PMS1: variants seen among roughly 807,000 people sequenced by gnomAD.
PMS1 encodes PMS1 homolog 1, mismatch repair system component, also known as PMS1 protein homolog 1.
PMS1 carries 79 observed loss-of-function variants against 93.1 expected under a neutral mutation model. The ratio of observed to expected loss-of-function variants is 0.85; its 90% CI spans 0.71 to 1.02. PMS1 has a LOEUF of 1.02. Among genes scored for constraint, PMS1 ranks in the 50% least tolerant of loss-of-function variants. PMS1 has a pLI of 0.00. For missense variants in PMS1, 1,064 were observed against 1,085.3 expected (o/e 0.98, Z 0.28); for synonymous variants, 335 against 363.4 (o/e 0.92, Z 0.89).
chr2:189,860,800 ATTTTTTTTTTTTTTTTTTTTTT>A (rs1158514130), intron 9 of PMS1, among the ~76,000 whole-genome samples: 17 of 41,028 alleles, frequency 4.1e-4, no homozygotes, highest in East Asian at 7.9e-4. Context: ...TCTTTGAGGA[ATTTTTTTTTTTTTTTTTTTTTT>A]TTTTTTTTTT....
At chr2:189,864,312 G>T in intron 10 of PMS1, 84 bp downstream of exon 10, 1 of 969,838 alleles carries the variant, frequency 1.0e-6, no homozygotes, top group Non-Finnish European at 1.6e-6. Flanking sequence ...AGAAGGTTGG[G>T]AATGTTTCCT....
chr2:189,853,756 A>T (rs1456543696), intron 7 of PMS1, among the ~76,000 whole-genome samples, 183 bp from the exon 8 acceptor site: 1 of 151,968 alleles, frequency 6.6e-6, no homozygotes, highest in Non-Finnish European at 1.5e-5. Flanking sequence ...ACCTCAAGTG[A>T]TCCCCCCACC....
intron 2 of PMS1, among the ~76,000 whole-genome samples, chr2:189,793,943 G>A (rs982217986): frequency 6.6e-6 from 1 of 152,010 alleles, no homozygotes; most frequent in African/African-American, 2.4e-5. Context: ...TCTTATTACG[G>A]GATTTCGAGA....
At position 189,807,054 on chromosome 2, in the gene PMS1, A is replaced by G. The variant is rs5743020; in HGVS notation, c.418+1300A>G. ...TAAATTATTGGATTCTTTTTTTCAA[A>G]TGACTTCTGTCTTCATTTCATGTAT... On this transcript the variant is annotated intron_variant, in intron 4 of 12. Coordinates refer to ENST00000441310, the MANE Select transcript of PMS1 (RefSeq NM_000534.5). The G allele has an allele frequency of 4.2e-3, 772 of 182,098 alleles. 8 individuals are homozygous for G. The highest frequency in any genetic ancestry group is 0.017 in the African/African-American group (720 of 42,546). The allele number at this position is 182,098 out of a possible 1,614,324, so 11.3% of individuals were successfully genotyped here.
chr2:189,830,878 A>G, intron 5 of PMS1, among the ~76,000 whole-genome samples: 1 of 152,246 alleles, frequency 6.6e-6, no homozygotes. Flanking sequence ...ATTAGCTCTC[A>G]TACTCTAGAC....
intron 4 of PMS1, among the ~76,000 whole-genome samples, chr2:189,807,460 A>G (rs570405385): frequency 2.8e-4 from 43 of 152,356 alleles, no homozygotes; most frequent in African/African-American, 9.6e-4. Flanking sequence ...AGTTCAAATT[A>G]GGACACCATT....
At chr2:189,835,032 A>G (rs2053266271) in intron 5 of PMS1, among the ~76,000 whole-genome samples, 1 of 152,212 alleles carries the variant, frequency 6.6e-6, no homozygotes, top group Non-Finnish European at 1.5e-5. Context: ...TTTTTAAAAG[A>G]TCATACCTTT....
intron 9 of PMS1, among the ~76,000 whole-genome samples, chr2:189,858,443 T>A (rs2055587904): frequency 6.6e-6 from 1 of 152,204 alleles, no homozygotes; most frequent in African/African-American, 2.4e-5. Flanking sequence ...TCAGGATTAA[T>A]ATTTTCCATT....
intron 6 of PMS1, among the ~76,000 whole-genome samples, chr2:189,844,813 G>A (rs539755879): frequency 1.3e-5 from 2 of 151,356 alleles, no homozygotes; most frequent in East Asian, 3.9e-4. Flanking sequence ...AGTCATATCA[G>A]CAATAGTTTT....
chr2:189,820,679 C>T (rs1160432640), intron 5 of PMS1, among the ~76,000 whole-genome samples: 1 of 152,088 alleles, frequency 6.6e-6, no homozygotes, highest in African/African-American at 2.4e-5. Context: ...AGAACAGTTA[C>T]AATAACTTTG....
rs189386949 is a variant in PMS1 at position 189,812,022 on chromosome 2, C to T, written c.419-5995C>T. ...AAGTTTTTAAATTTAAAATTACAGG[C>T]GGGTGCGGTGGCTCACGCCTGTAAT... On this transcript the variant is annotated intron_variant, in intron 4 of 12. Transcript: ENST00000441310. Among the ~76,000 whole-genome samples, 17 of 152,116 alleles carry T rather than the reference C, an allele frequency of 1.1e-4. No homozygotes were observed. In the South Asian group the frequency reaches 1.9e-3, roughly 17 times the overall value.
intron 5 of PMS1, among the ~76,000 whole-genome samples, chr2:189,843,347 C>T (rs12618262): frequency 0.091 from 13,772 of 152,136 alleles, 832 homozygotes; most frequent in East Asian, 0.19. Flanking sequence ...CCAACATACT[C>T]GCAGTGAAAA....
At chr2:189,791,091 C>A (rs2048820853) in intron 1 of PMS1, among the ~76,000 whole-genome samples, 1 of 150,824 alleles carries the variant, frequency 6.6e-6, no homozygotes, top group African/African-American at 2.4e-5. Flanking sequence ...TTTTTAGGTG[C>A]TTGTGGCAGA....
At chr2:189,867,151 T>C (rs2056734191) in intron 10 of PMS1, among the ~76,000 whole-genome samples, 1 of 152,204 alleles carries the variant, frequency 6.6e-6, no homozygotes, top group African/African-American at 2.4e-5. Flanking sequence ...AGATGGTAAC[T>C]ATTCACATCA....
intron 5 of PMS1, among the ~76,000 whole-genome samples, chr2:189,832,569 G>A (rs1042594987): frequency 1.3e-5 from 2 of 151,996 alleles, no homozygotes; most frequent in African/African-American, 2.4e-5. Flanking sequence ...GGGTTCAAGC[G>A]ATTCTCCTGC....
At chr2:189,844,921 G>C (rs943863043) in intron 6 of PMS1, among the ~76,000 whole-genome samples, 2 of 151,642 alleles carry the variant, frequency 1.3e-5, no homozygotes, top group African/African-American at 4.8e-5. Context: ...GCAGTGGTGG[G>C]ATCTCAGCCC....
intron 5 of PMS1, among the ~76,000 whole-genome samples, chr2:189,831,708 C>G (rs1402722621): frequency 1.3e-5 from 2 of 152,090 alleles, no homozygotes; most frequent in Non-Finnish European, 2.9e-5. Context: ...ATTACTGCAC[C>G]AGTAGAGAGT....
intron 5 of PMS1, among the ~76,000 whole-genome samples, chr2:189,841,806 T>G (rs1470596277): frequency 8.1e-3 from 1 of 124 alleles, no homozygotes; most frequent in Non-Finnish European, 0.015. Flanking sequence ...ACTTCACACA[T>G]GTAGAATGGG....
intron 4 of PMS1, 79 bp from the exon 5 acceptor site, chr2:189,817,938 A>G (rs1461990087): frequency 5.4e-6 from 6 of 1,113,786 alleles, no homozygotes; most frequent in Middle Eastern, 2.5e-4. Context: ...GAAGGGGTTA[A>G]TTACAAATTG....
Sources: gnomAD v4.1 joint callset for allele counts (sites outside exome capture counted in the v4.1 genomes callset) on GRCh38, gnomAD v4.1.1 for gene constraint, MANE v1.5 for transcripts, NCBI Gene and HGNC (gene_info 2026-07-23, HGNC 2026-07-21) for gene names.